The following CSMD1 variants were observed in gnomAD, a reference collection of about 807,000 sequenced individuals.
CSMD1 encodes the protein CUB and Sushi multiple domains 1, also known as CUB and sushi domain-containing protein 1.
Under a neutral mutation model 417.5 loss-of-function variants are expected in CSMD1, and 213 were observed. That is an observed-to-expected ratio of 0.51 (90% CI 0.46 to 0.57). The LOEUF is 0.57. Among genes scored for constraint, CSMD1 ranks in the 20% least tolerant of loss-of-function variants. CSMD1 has a pLI of 0.00. For missense variants in CSMD1, 6,923 were observed against 4,529.7 expected (o/e 1.53, Z -15.17); for synonymous variants, 2,862 against 1,736.8 (o/e 1.65, Z -16.11).
chr8:4,470,845 T>C (rs1212355961), intron 2 of CSMD1, among the ~76,000 whole-genome samples: 1 of 152,208 alleles, frequency 6.6e-6, no homozygotes, highest in East Asian at 1.9e-4. Context: ...TGGGCTTCTT[T>C]GATTTTTTTT....
At chr8:4,033,958 T>C (rs565581693) in intron 3 of CSMD1, among the ~76,000 whole-genome samples, 20 of 152,334 alleles carry the variant, frequency 1.3e-4, no homozygotes, top group African/African-American at 4.3e-4. Context: ...TTAGCTGCTA[T>C]TTAGTATTCA....
chr8:3,636,661 C>G (rs1161556970), intron 7 of CSMD1, among the ~76,000 whole-genome samples: 1 of 152,218 alleles, frequency 6.6e-6, no homozygotes, highest in Non-Finnish European at 1.5e-5. Context: ...AGATGCTCTT[C>G]TCCCTAGTCT....
intron 4 of CSMD1, among the ~76,000 whole-genome samples, chr8:4,005,919 T>C (rs953924313): frequency 6.6e-6 from 1 of 152,176 alleles, no homozygotes; most frequent in Non-Finnish European, 1.5e-5. Flanking sequence ...AAGTTGACTT[T>C]GCAGAACCAT....
intron 3 of CSMD1, among the ~76,000 whole-genome samples, chr8:4,097,597 A>C (rs1363582445): frequency 6.6e-6 from 1 of 152,192 alleles, no homozygotes; most frequent in Non-Finnish European, 1.5e-5. Flanking sequence ...ACCCAGATTG[A>C]TTAGCTTATG....
chr8:4,461,334 T>A lies in CSMD1; in HGVS notation c.303-41269A>T, dbSNP rs182994261. On this transcript the variant is annotated intron_variant, in intron 2 of 69. Coordinates refer to ENST00000635120, the MANE Select transcript of CSMD1 (RefSeq NM_033225.6). The stretch of plus-strand genomic sequence containing the variant: ...AAATCAGCAATAAGACAAATTCTAT[T>A]CCACAGCATACTGGAGGTTTTAGCT... Among the ~76,000 whole-genome samples, 265 of 151,976 alleles carry A rather than the reference T, an allele frequency of 1.7e-3. 4 individuals are homozygous for A. The highest frequency in any genetic ancestry group is 6.2e-3 in the African/African-American group (256 of 41,328).
intron 7 of CSMD1, among the ~76,000 whole-genome samples, chr8:3,650,243 A>C (rs896070763): frequency 6.6e-6 from 1 of 151,910 alleles, no homozygotes; most frequent in Non-Finnish European, 1.5e-5. Flanking sequence ...GCTTCATTGC[A>C]CTCCAGCCTG....
chr8:4,204,121 A>C (rs1420593904), intron 3 of CSMD1, among the ~76,000 whole-genome samples: 1 of 152,038 alleles, frequency 6.6e-6, no homozygotes, highest in African/African-American at 2.4e-5. Flanking sequence ...ACAAAACCTA[A>C]AACTTAAAGG....
intron 37 of CSMD1, among the ~76,000 whole-genome samples, chr8:3,174,565 T>A (rs1228617461): frequency 3.3e-5 from 5 of 152,202 alleles, no homozygotes; most frequent in African/African-American, 1.2e-4. Context: ...GAAAAATTTT[T>A]AAAAGACTAT....
intron 6 of CSMD1, among the ~76,000 whole-genome samples, chr8:3,729,322 G>A (rs1267862683): frequency 2.0e-5 from 3 of 152,136 alleles, no homozygotes; most frequent in African/African-American, 7.2e-5. Flanking sequence ...GTCTGAGGGT[G>A]GGCTTCGGAG....
chr8:4,180,951 G>A (rs1228751537), intron 3 of CSMD1, among the ~76,000 whole-genome samples: 2 of 152,024 alleles, frequency 1.3e-5, no homozygotes, highest in Admixed American at 6.6e-5. Context: ...TGTTAATTAA[G>A]CCGGGGATGA....
At chr8:4,177,311 A>C (rs900791052) in intron 3 of CSMD1, among the ~76,000 whole-genome samples, 1 of 152,134 alleles carries the variant, frequency 6.6e-6, no homozygotes, top group Non-Finnish European at 1.5e-5. Flanking sequence ...GAAACTGAAC[A>C]ACCTGCTCCT....
chr8:3,899,685 C>A (rs1450700282), intron 5 of CSMD1, among the ~76,000 whole-genome samples: 1 of 152,140 alleles, frequency 6.6e-6, no homozygotes. Flanking sequence ...ATAATCTGGG[C>A]TAAATATGAC....
intron 3 of CSMD1, among the ~76,000 whole-genome samples, chr8:4,419,426 C>T (rs904752414): frequency 2.0e-5 from 3 of 152,042 alleles, no homozygotes; most frequent in Non-Finnish European, 4.4e-5. Context: ...AGCAATACCT[C>T]AAAGGTATCT....
At chr8:3,307,054 G>A (rs1486767744) in intron 25 of CSMD1, among the ~76,000 whole-genome samples, 1 of 152,046 alleles carries the variant, frequency 6.6e-6, no homozygotes, top group Non-Finnish European at 1.5e-5. Context: ...GACACACATT[G>A]CTCCCATCCC....
intron 2 of CSMD1, among the ~76,000 whole-genome samples, chr8:4,502,953 T>A (rs972780622): frequency 5.3e-5 from 8 of 152,148 alleles, no homozygotes; most frequent in African/African-American, 1.7e-4. Flanking sequence ...TGTCTCTAAA[T>A]GGTATAAGAG....
intron 37 of CSMD1, among the ~76,000 whole-genome samples, chr8:3,172,320 T>C (rs777651448): frequency 1.3e-5 from 2 of 152,212 alleles, no homozygotes; most frequent in Non-Finnish European, 2.9e-5. Flanking sequence ...TATTTTGCTT[T>C]GGCTACAGCG....
Position 4,248,219 on chromosome 8 carries a change from C to T in CSMD1, c.415+171734G>A, listed in dbSNP as rs187250491. 3.5e-3 allele frequency among the ~76,000 whole-genome samples: 539 copies of T among 152,232 alleles called. 2 individuals carry two copies. The highest frequency in any genetic ancestry group is 0.012 in the African/African-American group (510 of 41,550). The stretch of plus-strand genomic sequence containing the variant: ...ACATGACATGACATGCCATTTCCAA[C>T]AGCAGACAGTTGGCAGGACTAGTCC... On this transcript the variant is annotated intron_variant, in intron 3 of 69. Coordinates refer to ENST00000635120, the MANE Select transcript of CSMD1 (RefSeq NM_033225.6).
At chr8:4,758,377 C>A (rs913583431) in intron 1 of CSMD1, among the ~76,000 whole-genome samples, 5 of 152,128 alleles carry the variant, frequency 3.3e-5, no homozygotes, top group African/African-American at 1.2e-4. Flanking sequence ...TTTCAAGTTG[C>A]ACCCAATCCT....
intron 25 of CSMD1, among the ~76,000 whole-genome samples, chr8:3,304,729 TC>T (rs1028328063): frequency 2.2e-3 from 67 of 30,220 alleles, no homozygotes; most frequent in African/African-American, 4.5e-3. Flanking sequence ...TTTATTTTTC[TC>T]TTTTTAATTT....
Sources: gnomAD v4.1 joint callset for allele counts (sites outside exome capture counted in the v4.1 genomes callset) on GRCh38, gnomAD v4.1.1 for gene constraint, MANE v1.5 for transcripts, NCBI Gene and HGNC (gene_info 2026-07-23, HGNC 2026-07-21) for gene names.